Variants in SGSM1 observed in about 807,000 individuals in gnomAD.
SGSM1 encodes the protein RUN and TBC1 domain containing 2.
Under a neutral mutation model 133.8 loss-of-function variants are expected in SGSM1, and 73 were observed. The observed-to-expected ratio is 0.55, with a 90% confidence interval of 0.45 to 0.66. The LOEUF (loss-of-function observed/expected upper bound fraction) is 0.66, where lower values mean the gene tolerates loss of function less well. SGSM1 is among the 30% of genes least tolerant of loss of function. The probability of loss-of-function intolerance (pLI) is 0.00; values close to 1 mark genes in which losing one functional copy is unlikely to be tolerated. For synonymous variants in SGSM1, 563 were observed against 573.0 expected (o/e 0.98, Z 0.25); for missense variants, 1,213 against 1,448.1 (o/e 0.84, Z 2.64).
rs1434912326 is a variant in SGSM1, at chr22:24,925,334, G to T, written c.*1060G>T. The T allele has an allele frequency of 1.3e-5, 2 of 151,184 alleles. No homozygotes were observed. Among genetic ancestry groups the T allele is most frequent in the East Asian group, 2.0e-4 (1 of 5,048 alleles). 9.4% of individuals were successfully genotyped at this position (151,184 alleles called of 1,614,324 possible). A position where few individuals can be genotyped will look rare whatever the true frequency, so the allele number is the denominator to read the frequency against. On this transcript the variant is annotated 3_prime_UTR_variant, in exon 25 of 25. Coordinates refer to ENST00000400358, the MANE Select transcript of SGSM1 (RefSeq NM_001098497.3). Reference sequence around the variant, plus strand: ...ATCACGCCACTGCACTCCAGCCCGGGCGACAGTTCAAGACTCCATCTCAAA... The same window carrying T: ...ATCACGCCACTGCACTCCAGCCCGGTCGACAGTTCAAGACTCCATCTCAAA...
At chr22:24,874,422 C>G in intron 12 of SGSM1, 2 of 1,609,416 alleles carry the variant, frequency 1.2e-6, no homozygotes, top group Non-Finnish European at 1.7e-6. Context: ...AAGTTGCCCC[C>G]GACTTCTTGG....
chr22:24,902,431 TCACTTGAGGC>T (rs1401715136), intron 20 of SGSM1, among the ~76,000 whole-genome samples: 7 of 152,176 alleles, frequency 4.6e-5, no homozygotes, highest in African/African-American at 1.7e-4. Context: ...CGTGGGAGGA[TCACTTGAGGC>T]CACTTGAGTT....
At chr22:24,854,473 T>C (rs762625450) in intron 5 of SGSM1, among the ~76,000 whole-genome samples, 13 of 152,218 alleles carry the variant, frequency 8.5e-5, no homozygotes, top group Non-Finnish European at 1.6e-4. Context: ...AGGTACATGC[T>C]GAGCACCCCG....
intron 16 of SGSM1, 135 bp from the exon 17 acceptor site, chr22:24,893,296 T>A: frequency 2.3e-6 from 2 of 859,518 alleles, no homozygotes; most frequent in Non-Finnish European, 3.6e-6. Context: ...GCATAGTAGG[T>A]GCTCAGTTAA....
chr22:24,826,183 A>G (rs1186721242), intron 2 of SGSM1, among the ~76,000 whole-genome samples: 1 of 152,266 alleles, frequency 6.6e-6, no homozygotes, highest in Non-Finnish European at 1.5e-5. Context: ...AATTTGCCAG[A>G]TTTGGCAAAT....
At chr22:24,863,126 G>T (rs1393758521) in intron 9 of SGSM1, among the ~76,000 whole-genome samples, 1 of 152,176 alleles carries the variant, frequency 6.6e-6, no homozygotes, top group Non-Finnish European at 1.5e-5. Context: ...TTCGCTGTTG[G>T]TGAACAGGCA....
At chr22:24,818,047 C>T (rs569455834) in intron 2 of SGSM1, among the ~76,000 whole-genome samples, 7 of 151,950 alleles carry the variant, frequency 4.6e-5, no homozygotes, top group Non-Finnish European at 1.0e-4. Context: ...GCCTGGCCAA[C>T]ATGATGAAAC....
At chr22:24,865,020 A>G (rs1001895517) in intron 9 of SGSM1, among the ~76,000 whole-genome samples, 3 of 152,192 alleles carry the variant, frequency 2.0e-5, no homozygotes, top group Non-Finnish European at 4.4e-5. Flanking sequence ...AGTGCATGGA[A>G]AACCCTTAGC....
At chr22:24,915,134 TAGG>T (rs1246108610) in intron 22 of SGSM1, among the ~76,000 whole-genome samples, 3 of 152,016 alleles carry the variant, frequency 2.0e-5, no homozygotes, top group Admixed American at 6.6e-5. Context: ...GAGGCTGAGA[TAGG>T]AGAATGGTGT....
chr22:24,846,658 G>A (rs1044566525), intron 3 of SGSM1, among the ~76,000 whole-genome samples: 2 of 152,158 alleles, frequency 1.3e-5, no homozygotes, highest in Non-Finnish European at 2.9e-5. Context: ...CTTATAAGCT[G>A]TTGTCAGGAA....
intron 16 of SGSM1, among the ~76,000 whole-genome samples, chr22:24,889,959 A>AT (rs72491088): frequency 0.01 from 1,236 of 121,092 alleles, 21 homozygotes; most frequent in African/African-American, 0.029. Context: ...CCTTAAATGG[A>AT]TTTTTTTTTT....
chr22:24,923,123 G>C (rs1364137809), intron 24 of SGSM1, among the ~76,000 whole-genome samples: 5 of 151,544 alleles, frequency 3.3e-5, no homozygotes, highest in African/African-American at 4.8e-5. Context: ...CTGGGCAACA[G>C]AGTGAGACCT....
In SGSM1 at chr22:24,909,106, G is replaced by A. The variant is rs118020047; in HGVS notation, c.2819-3537G>A. On this transcript the variant is annotated intron_variant, in intron 21 of 24. Transcript: ENST00000400358. The stretch of plus-strand genomic sequence containing the variant: ...ACCCTATTGTGAATTGTGCATGTGA[G>A]GGGTCTAGGTTGTGCACTCCTTCTG... Among the ~76,000 whole-genome samples the A allele has an allele frequency of 6.0e-3, 909 of 152,246 alleles. 5 individuals carry two copies. Among genetic ancestry groups the A allele is most frequent in the Non-Finnish European group, 9.8e-3 (665 of 68,018 alleles).
At chr22:24,809,180 A>G (rs572545194) in intron 2 of SGSM1, among the ~76,000 whole-genome samples, 260 of 152,118 alleles carry the variant, frequency 1.7e-3, no homozygotes, top group African/African-American at 5.8e-3. Flanking sequence ...TCCTTTGCTT[A>G]CCTCTTTGGG....
intron 2 of SGSM1, among the ~76,000 whole-genome samples, chr22:24,808,817 A>C (rs1344867887): frequency 6.6e-6 from 1 of 152,184 alleles, no homozygotes; most frequent in Non-Finnish European, 1.5e-5. Flanking sequence ...TTGGGCTCAA[A>C]GAGGGGGAAT....
chr22:24,829,286 AAAAC>A (rs1461501426), intron 2 of SGSM1, among the ~76,000 whole-genome samples: 1 of 152,202 alleles, frequency 6.6e-6, no homozygotes, highest in African/African-American at 2.4e-5. Flanking sequence ...GCAAAGCAGA[AAAAC>A]AAATACCACA....
At chr22:24,855,747 C>T in intron 8 of SGSM1, 67 bp downstream of exon 8, 1 of 1,611,970 alleles carries the variant, frequency 6.2e-7, no homozygotes. Context: ...AGGAAAAGGT[C>T]TCTCTGGCTC....
At chr22:24,868,571 G>A (rs1397097888) in intron 11 of SGSM1, 32 bp downstream of exon 11, 1 of 1,613,160 alleles carries the variant, frequency 6.2e-7, no homozygotes, top group African/African-American at 1.3e-5. Context: ...GGGAGGCTGG[G>A]GTGGAGGCTG....
chr22:24,821,521 C>A (rs1051422175), intron 2 of SGSM1, among the ~76,000 whole-genome samples: 1 of 152,144 alleles, frequency 6.6e-6, no homozygotes, highest in Admixed American at 6.5e-5. Flanking sequence ...CCCTGAATGT[C>A]CCCCTGGGGA....
Sources: gnomAD v4.1 joint callset for allele counts (sites outside exome capture counted in the v4.1 genomes callset) on GRCh38, gnomAD v4.1.1 for gene constraint, MANE v1.5 for transcripts, NCBI Gene and HGNC (gene_info 2026-07-23, HGNC 2026-07-21) for gene names.